Variants in IQGAP2 observed in about 807,000 individuals in gnomAD.
IQGAP2 encodes IQ motif containing GTPase activating protein 2, also known as ras GTPase-activating-like protein IQGAP2.
A neutral mutation model predicts 201.3 loss-of-function variants in IQGAP2; 173 were observed. The observed-to-expected ratio is 0.86, with a 90% CI of 0.76 to 0.98. IQGAP2 has a LOEUF of 0.98. IQGAP2 is among the 50% of genes least tolerant of loss of function. IQGAP2 has a pLI of 0.00. For missense variants in IQGAP2, 1,687 were observed against 1,864.8 expected (o/e 0.90, Z 1.76); for synonymous variants, 675 against 673.9 (o/e 1.00, Z -0.03).
At chr5:76,505,980 T>G (rs577633708) in intron 2 of IQGAP2, among the ~76,000 whole-genome samples, 2 of 152,282 alleles carry the variant, frequency 1.3e-5, no homozygotes, top group African/African-American at 2.4e-5. Flanking sequence ...CAACATTAAT[T>G]AGACACTTTC....
chr5:76,437,632 T>C (rs1752780287), intron 1 of IQGAP2, among the ~76,000 whole-genome samples: 1 of 152,118 alleles, frequency 6.6e-6, no homozygotes, highest in Non-Finnish European at 1.5e-5. Flanking sequence ...TGGTGTTTGG[T>C]TTTTTGTTCC....
rs770484606 is a variant in IQGAP2 at position 76,461,598 on chromosome 5, A to G, written c.75A>G (p.Ala25=). 1.2e-6 allele frequency: 2 copies of G among 1,613,872 alleles called. No individual in the cohort carries two copies. The highest frequency in any genetic ancestry group is 1.7e-5 in the Admixed American group (1 of 60,016). ...GSIVDDERLS[A]EEMDERRRQN... ...TTGTGGACGATGAAAGGCTCTCTGC[A>G]GAGGAGATGGATGAGAGGAGGCGGC... The change falls in exon 2 of 36, where the codon GCA becomes GCG. Residue 25 remains alanine, a synonymous_variant. Transcript: ENST00000274364.
intron 1 of IQGAP2, among the ~76,000 whole-genome samples, chr5:76,456,224 T>C (rs1224315900): frequency 6.6e-6 from 1 of 152,192 alleles, no homozygotes; most frequent in Non-Finnish European, 1.5e-5. Context: ...TTTAGTGTCT[T>C]GATGAAGCCA....
chr5:76,514,800 A>T (rs1173232900), intron 2 of IQGAP2, among the ~76,000 whole-genome samples: 2 of 152,174 alleles, frequency 1.3e-5, no homozygotes, highest in Non-Finnish European at 2.9e-5. Context: ...GTTAAGACTA[A>T]GACTGTTTTC....
intron 1 of IQGAP2, among the ~76,000 whole-genome samples, chr5:76,436,912 CATACATACATACAAATGT>C (rs1170636456): frequency 1.3e-5 from 2 of 151,556 alleles, no homozygotes; most frequent in South Asian, 2.1e-4. Flanking sequence ...TTATGTTATA[CATACATACATACAAATGT>C]ATACATACAT....
intron 1 of IQGAP2, among the ~76,000 whole-genome samples, chr5:76,424,175 C>A (rs1751875094): frequency 6.6e-6 from 1 of 152,170 alleles, no homozygotes; most frequent in Admixed American, 6.6e-5. Context: ...TCGTGAGGGG[C>A]TTCAATATTG....
chr5:76,406,352 C>T (rs1750797294), intron 1 of IQGAP2, among the ~76,000 whole-genome samples: 1 of 152,090 alleles, frequency 6.6e-6, no homozygotes, highest in African/African-American at 2.4e-5. Flanking sequence ...TGTTATTGGC[C>T]ACATCTTCCT....
chr5:76,583,211 A>G (rs1240584225), intron 5 of IQGAP2, among the ~76,000 whole-genome samples: 2 of 152,182 alleles, frequency 1.3e-5, no homozygotes, highest in Non-Finnish European at 2.9e-5. Flanking sequence ...GATTTCCTAT[A>G]TACTTCAGGT....
Position 76,464,477 on chromosome 5 carries a change from A to T in IQGAP2, c.146+2808A>T, listed in dbSNP as rs141728745. ...TTGTATGCTTGTACTGTATATATTC[A>T]TCTAGGAAGTGTTTCTTGTTTCTGA... On this transcript the variant is annotated intron_variant, in intron 2 of 35. Coordinates refer to ENST00000274364, the MANE Select transcript of IQGAP2 (RefSeq NM_006633.5). Among the ~76,000 whole-genome samples the T allele has an allele frequency of 9.6e-4, 146 of 152,274 alleles. 1 individual carries two copies. In the East Asian group the frequency reaches 0.025, roughly 26 times the overall value.
chr5:76,660,504 A>G (rs1743156134), intron 21 of IQGAP2, among the ~76,000 whole-genome samples: 1 of 152,240 alleles, frequency 6.6e-6, no homozygotes, highest in Non-Finnish European at 1.5e-5. Flanking sequence ...TCCCCATAAA[A>G]TCATAAACAG....
intron 1 of IQGAP2, among the ~76,000 whole-genome samples, chr5:76,409,013 G>A (rs1324243401): frequency 5.3e-5 from 8 of 151,738 alleles, no homozygotes; most frequent in African/African-American, 1.7e-4. Context: ...GGCTGGTCTC[G>A]AACTTCCTAC....
At chr5:76,657,595 C>T (rs556216549) in intron 20 of IQGAP2, among the ~76,000 whole-genome samples, 2 of 152,194 alleles carry the variant, frequency 1.3e-5, no homozygotes, top group African/African-American at 2.4e-5. Flanking sequence ...GCTGGACTAG[C>T]TCTTCCAAGT....
intron 1 of IQGAP2, among the ~76,000 whole-genome samples, chr5:76,460,528 G>A (rs1163249735): frequency 6.6e-6 from 1 of 151,050 alleles, no homozygotes; most frequent in Non-Finnish European, 1.5e-5. Context: ...AGGGGTAGTG[G>A]CTGAGTGACT....
At chr5:76,567,231 C>G (rs1744813950) in intron 3 of IQGAP2, among the ~76,000 whole-genome samples, 2 of 152,262 alleles carry the variant, frequency 1.3e-5, no homozygotes, top group South Asian at 4.1e-4. Flanking sequence ...GATTGAATAT[C>G]CCTAATCCAA....
chr5:76,526,665 C>T (rs543413862), intron 2 of IQGAP2, among the ~76,000 whole-genome samples: 23 of 152,184 alleles, frequency 1.5e-4, no homozygotes, highest in African/African-American at 5.5e-4. Context: ...CGTAGGTCCC[C>T]AGATGATTGA....
intron 30 of IQGAP2, among the ~76,000 whole-genome samples, chr5:76,688,016 T>C (rs939435405): frequency 6.6e-6 from 1 of 152,158 alleles, no homozygotes; most frequent in Non-Finnish European, 1.5e-5. Flanking sequence ...TCCTTTAAAA[T>C]ATTGATTTGA....
intron 2 of IQGAP2, among the ~76,000 whole-genome samples, chr5:76,464,917 A>G (rs187587710): frequency 2.0e-4 from 31 of 152,358 alleles, no homozygotes; most frequent in African/African-American, 7.5e-4. Flanking sequence ...ACTTATAATA[A>G]GTGAAGAGCC....
chr5:76,461,980 T>G (rs1029454512), intron 2 of IQGAP2, among the ~76,000 whole-genome samples: 1 of 152,212 alleles, frequency 6.6e-6, no homozygotes, highest in African/African-American at 2.4e-5. Context: ...TTTGCAGTCT[T>G]GTTGGCAGCA....
At chr5:76,617,957 G>A in intron 13 of IQGAP2, 1 of 1,614,142 alleles carries the variant, frequency 6.2e-7, no homozygotes, top group Non-Finnish European at 8.5e-7. Context: ...ACTCGCAAGT[G>A]TTGTGAACAT....
Sources: allele counts gnomAD v4.1 joint callset (sites outside exome capture counted in the v4.1 genomes callset), GRCh38; gene constraint gnomAD v4.1.1; transcripts MANE v1.5; gene names NCBI Gene and HGNC (gene_info 2026-07-23, HGNC 2026-07-21).